Variants in SMC6 observed in about 807,000 individuals in gnomAD.
SMC6 encodes the protein structural maintenance of chromosomes protein 6.
A neutral mutation model predicts 142.2 loss-of-function variants in SMC6; 79 were observed. That is an observed-to-expected ratio of 0.56 (90% CI 0.46 to 0.67). The LOEUF is 0.67. SMC6 is among the 30% of genes least tolerant of loss of function. The probability of loss-of-function intolerance (pLI) is 0.00; values close to 1 mark genes in which losing one functional copy is unlikely to be tolerated. For missense variants in SMC6, 1,072 were observed against 1,284.0 expected, an observed-to-expected ratio of 0.83 and a Z score of 2.52; for synonymous variants, 411 against 412.4, an observed-to-expected ratio of 1.00 and a Z score of 0.04.
At chr2:17,739,552 G>C (rs1006626273) in intron 4 of SMC6, among the ~76,000 whole-genome samples, 1 of 152,082 alleles carries the variant, frequency 6.6e-6, no homozygotes, top group African/African-American at 2.4e-5. Context: ...GGCTAAGGTG[G>C]GAGGATTACT....
At chr2:17,725,564 T>C (rs1459101533) in intron 8 of SMC6, among the ~76,000 whole-genome samples, 1 of 152,292 alleles carries the variant, frequency 6.6e-6, no homozygotes, top group East Asian at 1.9e-4. Flanking sequence ...CACATCCACA[T>C]GTTCATTTGC....
intron 19 of SMC6, among the ~76,000 whole-genome samples, chr2:17,702,487 A>G (rs1445093209): frequency 6.6e-6 from 1 of 152,186 alleles, no homozygotes; most frequent in Admixed American, 6.5e-5. Context: ...AAAATATTCC[A>G]ATCTTCTCAC....
chr2:17,741,157 C>A (rs1221735334), intron 4 of SMC6, among the ~76,000 whole-genome samples: 1 of 152,172 alleles, frequency 6.6e-6, no homozygotes, highest in African/African-American at 2.4e-5. Context: ...GCCAATAAGA[C>A]CTAAATAATC....
chr2:17,678,716 C>A, intron 25 of SMC6, 143 bp downstream of exon 25: 1 of 566,204 alleles, frequency 1.8e-6, no homozygotes. Context: ...TTCAAGGTTA[C>A]AGTGAGCTAT....
Position 17,666,481 on chromosome 2 carries a change from G to A in SMC6, c.3100C>T (p.Leu1034=), listed in dbSNP as rs756616947. The A allele has an allele frequency of 1.4e-5, 22 of 1,613,734 alleles. No individual in the cohort carries two copies. Among genetic ancestry groups the A allele is most frequent in the Non-Finnish European group, 1.9e-5 (22 of 1,179,902 alleles). Residue 1034 remains leucine (L), a synonymous_variant, in exon 27 of 28, where the codon CTG becomes TTG. Transcript: ENST00000448223. The stretch of plus-strand genomic sequence containing the variant: ...AAACGCTGGGAATCTGCCATCTTCA[G>A]TATCAAGTCCATGGCAATTCTCCTA... ...VNRRIAMDLI[L]KMADSQRFRQ... is the part of the protein sequence containing the mutation.
At chr2:17,712,259 G>A (rs571328964) in intron 16 of SMC6, among the ~76,000 whole-genome samples, 98 of 152,320 alleles carry the variant, frequency 6.4e-4, no homozygotes, top group Non-Finnish European at 1.1e-3. Context: ...CCTAGGAGAG[G>A]TGTATTTTTA....
At chr2:17,741,782 A>G in intron 3 of SMC6, 53 bp from the exon 4 acceptor site, 2 of 1,212,868 alleles carry the variant, frequency 1.6e-6, no homozygotes, top group East Asian at 4.8e-5. Flanking sequence ...ACTCATTATA[A>G]CCATTCAAGC....
intron 18 of SMC6, among the ~76,000 whole-genome samples, chr2:17,704,669 A>G (rs1158075514): frequency 6.6e-6 from 1 of 152,190 alleles, no homozygotes. Context: ...TTTGTGGTTC[A>G]ATTAGCATTT....
At chr2:17,681,916 A>T (rs921429472) in intron 24 of SMC6, 3 of 152,198 alleles carry the variant, frequency 2.0e-5, no homozygotes, top group Admixed American at 2.0e-4. Flanking sequence ...TAAAAAATGA[A>T]ATATTTGTAA....
intron 7 of SMC6, 71 bp from the exon 8 acceptor site, chr2:17,726,540 T>C (rs1669637864): frequency 1.5e-6 from 2 of 1,302,894 alleles, no homozygotes; most frequent in Non-Finnish European, 2.2e-6. Context: ...AACTGAAACA[T>C]ACATTACAAG....
At chr2:17,697,287 T>G (rs1668050031) in intron 21 of SMC6, among the ~76,000 whole-genome samples, 1 of 151,784 alleles carries the variant, frequency 6.6e-6, no homozygotes, top group Non-Finnish European at 1.5e-5. Context: ...AGGGTAATAC[T>G]GTATTTATAC....
At position 17,696,395 on chromosome 2, in the gene SMC6, T is replaced by G. The variant is rs758191510; in HGVS notation, c.2426A>C (p.Asp809Ala). ...DELNLADSEVDNQKRGKRHYE... is the reference protein window; with the variant it reads ...DELNLADSEVANQKRGKRHYE... ...ATGTCGTTTCCCTCGTTTTTGGTTA[T>G]CCACTTCAGAATCAGCAAGGTTTAA... The change falls in exon 22 of 28, where the codon GAT (aspartate) becomes GCT (alanine). Residue 809 changes from aspartate to alanine, a missense_variant. By Grantham distance (126) the Asp-to-Ala change is moderately radical (BLOSUM62 -2). This residue lies in a region of SMC6 where 994 missense variants were observed against 1,153.2 expected (regional missense o/e 0.86). Transcript: ENST00000448223. 28 of 1,610,916 alleles carry G rather than the reference T, an allele frequency of 1.7e-5. No homozygotes were observed. The highest frequency in any genetic ancestry group is 2.3e-5 in the Non-Finnish European group (27 of 1,179,396).
At position 17,745,638 on chromosome 2, in the gene SMC6, GTTCT is replaced by G. The variant is rs565937063; in HGVS notation, c.120+185_120+188del. ...TTTTATTCACATTTCTATACATTCA[GTTCT>G]TTATTTTCTCTATTAATTTTTCTAA... On this transcript the variant is annotated intron_variant, in intron 3 of 27. Coordinates refer to ENST00000448223, the MANE Select transcript of SMC6 (RefSeq NM_001142286.2). 1.0e-3 allele frequency among the ~76,000 whole-genome samples: 150 copies of G among 148,818 alleles called. 2 individuals are homozygous for G. Among genetic ancestry groups the G allele is most frequent in the African/African-American group, 3.5e-3 (147 of 41,448 alleles).
chr2:17,738,602 C>T (rs999771205), intron 4 of SMC6, among the ~76,000 whole-genome samples: 20 of 152,306 alleles, frequency 1.3e-4, no homozygotes, highest in African/African-American at 4.8e-4. Flanking sequence ...TGTTGTGACA[C>T]CTTTCCAACC....
At position 17,678,913 on chromosome 2, in the gene SMC6, C is replaced by T. The variant is rs750313869; in HGVS notation, c.2856G>A (p.Arg952=). The change falls in exon 25 of 28, where the codon CGG becomes CGA. Residue 952 remains arginine, a synonymous_variant. Coordinates refer to ENST00000448223, the MANE Select transcript of SMC6 (RefSeq NM_001142286.2). ...KLYFDNLLSQ[R]AYCGKMNFDH... ...CAAAATTCATTTTTCCACAATAGGC[C>T]CGCTGAGATAGTAAGTTGTCAAAGT... The T allele has an allele frequency of 1.2e-6, 2 of 1,612,324 alleles. No homozygotes were observed. The highest frequency in any genetic ancestry group is 1.7e-5 in the Admixed American group (1 of 59,786).
chr2:17,750,278 A>G (rs993268725), intron 2 of SMC6, among the ~76,000 whole-genome samples: 1 of 152,230 alleles, frequency 6.6e-6, no homozygotes, highest in African/African-American at 2.4e-5. Context: ...GACAAAGGGA[A>G]GAGATAAAAC....
intron 4 of SMC6, among the ~76,000 whole-genome samples, chr2:17,739,879 A>ACAC (rs1670352154): frequency 8.7e-6 from 1 of 115,456 alleles, no homozygotes; most frequent in Admixed American, 9.4e-5. Flanking sequence ...GAATATGGTA[A>ACAC]ACACACACAC....
chr2:17,741,827 A>C, intron 3 of SMC6, 98 bp from the exon 4 acceptor site: 1 of 693,082 alleles, frequency 1.4e-6, no homozygotes, highest in Non-Finnish European at 2.3e-6. Flanking sequence ...ACCATCACCA[A>C]TGAAAAAATT....
At chr2:17,704,812 A>C (rs1258197123) in intron 18 of SMC6, among the ~76,000 whole-genome samples, 1 of 152,202 alleles carries the variant, frequency 6.6e-6, no homozygotes, top group Non-Finnish European at 1.5e-5. Context: ...TAAATGATAA[A>C]AATGTGGAAA....
Sources: allele counts gnomAD v4.1 joint callset (sites outside exome capture counted in the v4.1 genomes callset), GRCh38; gene constraint gnomAD v4.1.1; regional missense constraint gnomAD v4.1.1; transcripts MANE v1.5; gene names NCBI Gene and HGNC (gene_info 2026-07-23, HGNC 2026-07-21).